The following SGCZ variants were observed in gnomAD, a reference collection of about 807,000 sequenced individuals.
The protein encoded by SGCZ is zeta-sarcoglycan.
Under a neutral mutation model 41.3 loss-of-function variants are expected in SGCZ, and 40 were observed. The observed-to-expected ratio is 0.97, with a 90% CI of 0.75 to 1.26. The LOEUF is 1.26. SGCZ is among the 50% of genes most tolerant of loss of function. The pLI, the probability that SGCZ is intolerant of heterozygous loss-of-function variation, is 0.00. For synonymous variants in SGCZ, 206 were observed against 137.5 expected (o/e 1.50, Z -3.49); for missense variants, 552 against 369.8 (o/e 1.49, Z -4.04).
At chr8:15,104,611 A>C (rs1044410088) in intron 1 of SGCZ, among the ~76,000 whole-genome samples, 1 of 152,226 alleles carries the variant, frequency 6.6e-6, no homozygotes, top group African/African-American at 2.4e-5. Flanking sequence ...ATACACATAA[A>C]CTATTCTGTA....
rs577472550 is a variant in SGCZ at position 14,414,065 on chromosome 8, C to T, written c.235-89861G>A. ...TACCTTTCACAACAGTTGAGATCCA[C>T]GTTAGTTTTAACATCAGATAAATTT... is the stretch of plus-strand genomic sequence containing the variant. On this transcript the variant is annotated intron_variant, in intron 2 of 7. Coordinates refer to ENST00000382080, the MANE Select transcript of SGCZ (RefSeq NM_139167.4). Among the ~76,000 whole-genome samples the T allele has an allele frequency of 2.6e-5, 4 of 152,048 alleles. No homozygotes were observed. The South Asian group carries it at 8.3e-4, about 32-fold the overall frequency.
intron 2 of SGCZ, among the ~76,000 whole-genome samples, chr8:14,443,307 C>T (rs1439751488): frequency 2.6e-5 from 4 of 152,094 alleles, no homozygotes; most frequent in South Asian, 2.1e-4. Flanking sequence ...TTGGAAAAAA[C>T]GACTTTAAAG....
At chr8:14,674,926 C>CTTTTTTTTTTTTTTTTTTTT (rs1230886249) in intron 1 of SGCZ, among the ~76,000 whole-genome samples, 1 of 64,216 alleles carries the variant, frequency 1.6e-5, no homozygotes, top group African/African-American at 1.1e-4. Flanking sequence ...CTTTTCTTTT[C>CTTTTTTTTTTTTTTTTTTTT]TGTTTTTTTT....
Position 14,722,974 on chromosome 8 carries a change from G to A in SGCZ, c.40-168048C>T, listed in dbSNP as rs1809937999. ...ACCAATTCAATAGAATGCAGGGCCA[G>A]AATTCAAATTCAAGTCACGCAGATT... On this transcript the variant is annotated intron_variant, in intron 1 of 7. Coordinates refer to ENST00000382080, the MANE Select transcript of SGCZ (RefSeq NM_139167.4). 1.3e-5 allele frequency among the ~76,000 whole-genome samples: 2 copies of A among 152,160 alleles called. 1 individual carries two copies. The highest frequency in any genetic ancestry group is 4.1e-4 in the South Asian group (2 of 4,834).
At chr8:14,189,376 T>A (rs895731653) in intron 4 of SGCZ, among the ~76,000 whole-genome samples, 2 of 152,186 alleles carry the variant, frequency 1.3e-5, no homozygotes, top group Non-Finnish European at 2.9e-5. Context: ...TCAGAACACA[T>A]TCTCCCTTTT....
At chr8:14,619,374 T>C (rs1806210054) in intron 1 of SGCZ, among the ~76,000 whole-genome samples, 1 of 152,106 alleles carries the variant, frequency 6.6e-6, no homozygotes, top group African/African-American at 2.4e-5. Flanking sequence ...CTTTGAAAAC[T>C]GGCACAAGAC....
intron 1 of SGCZ, among the ~76,000 whole-genome samples, chr8:14,750,065 G>A (rs1318784675): frequency 6.6e-6 from 1 of 152,152 alleles, no homozygotes; most frequent in Non-Finnish European, 1.5e-5. Flanking sequence ...GGCACCTTAA[G>A]ATTATTTCTT....
chr8:15,142,059 G>C (rs984159903), intron 1 of SGCZ, among the ~76,000 whole-genome samples: 1 of 152,192 alleles, frequency 6.6e-6, no homozygotes, highest in African/African-American at 2.4e-5. Flanking sequence ...GCTTATAAAG[G>C]TTCCCAACAG....
intron 1 of SGCZ, among the ~76,000 whole-genome samples, chr8:15,084,301 A>T (rs1805869557): frequency 6.6e-6 from 1 of 152,212 alleles, no homozygotes; most frequent in Non-Finnish European, 1.5e-5. Flanking sequence ...GTCTATATTG[A>T]GACATTAATC....
At chr8:14,231,367 T>G (rs539472112) in intron 4 of SGCZ, among the ~76,000 whole-genome samples, 1 of 152,102 alleles carries the variant, frequency 6.6e-6, no homozygotes, top group South Asian at 2.1e-4. Flanking sequence ...TCAGCCTTTT[T>G]TAAGGAATTT....
chr8:15,212,978 T>C (rs1048686010), intron 1 of SGCZ, among the ~76,000 whole-genome samples: 2 of 152,026 alleles, frequency 1.3e-5, no homozygotes, highest in Admixed American at 6.6e-5. Flanking sequence ...TGTTTCTGCT[T>C]AACATCATAA....
intron 1 of SGCZ, among the ~76,000 whole-genome samples, chr8:14,601,988 C>T (rs541285771): frequency 3.9e-5 from 6 of 152,090 alleles, no homozygotes; most frequent in Admixed American, 2.0e-4. Flanking sequence ...GGCCTGGTGG[C>T]GGGCGCCTGT....
intron 1 of SGCZ, among the ~76,000 whole-genome samples, chr8:15,227,397 T>C (rs528925675): frequency 6.6e-6 from 1 of 152,300 alleles, no homozygotes; most frequent in African/African-American, 2.4e-5. Context: ...TGCTAATAAT[T>C]CAATCATGCA....
chr8:14,289,999 T>A (rs1473925532), intron 3 of SGCZ, among the ~76,000 whole-genome samples: 1 of 151,708 alleles, frequency 6.6e-6, no homozygotes, highest in Non-Finnish European at 1.5e-5. Flanking sequence ...ACAGCAGATC[T>A]TGTGAGAACT....
chr8:15,152,073 T>C lies in SGCZ; in HGVS notation c.39+85512A>G, dbSNP rs78963294. ...ATAAAAGGGGTGTTTTATTATTACT[T>C]TAATTTCCTTTTGAAAGAATCACTT... On this transcript the variant is annotated intron_variant, in intron 1 of 7. Transcript: ENST00000382080. 1.1e-3 allele frequency among the ~76,000 whole-genome samples: 168 copies of C among 152,346 alleles called. 1 individual carries two copies. The East Asian group carries it at 0.026, about 23-fold the overall frequency.
chr8:14,844,661 A>G (rs1803041269), intron 1 of SGCZ, among the ~76,000 whole-genome samples: 1 of 152,174 alleles, frequency 6.6e-6, no homozygotes, highest in Non-Finnish European at 1.5e-5. Flanking sequence ...AAGATGACTA[A>G]TACAGCTAAC....
intron 1 of SGCZ, among the ~76,000 whole-genome samples, chr8:14,668,930 GTGTGTA>G (rs200407467): frequency 5.7e-5 from 2 of 34,786 alleles, no homozygotes; most frequent in East Asian, 2.8e-3. Flanking sequence ...GTGTGTGTGT[GTGTGTA>G]TGTGTGTGTG....
intron 1 of SGCZ, among the ~76,000 whole-genome samples, chr8:14,730,336 T>A (rs1331005783): frequency 1.3e-5 from 2 of 152,204 alleles, no homozygotes; most frequent in African/African-American, 4.8e-5. Context: ...TCACCATACA[T>A]ACATTTGTAT....
chr8:14,551,853 A>T (rs929298282), intron 2 of SGCZ, among the ~76,000 whole-genome samples: 15 of 145,614 alleles, frequency 1.0e-4, no homozygotes, highest in Non-Finnish European at 1.9e-4. Flanking sequence ...TATCAATCAT[A>T]TACATCATGC....
Sources: gnomAD v4.1 joint callset for allele counts (sites outside exome capture counted in the v4.1 genomes callset) on GRCh38, gnomAD v4.1.1 for gene constraint, MANE v1.5 for transcripts, NCBI Gene and HGNC (gene_info 2026-07-23, HGNC 2026-07-21) for gene names.